FAM107B: variants seen among roughly 807,000 people sequenced by gnomAD.
FAM107B encodes the protein family with sequence similarity 107 member B.
In FAM107B, 21 loss-of-function variants were observed where a neutral mutation model predicts 31.5. That is an observed-to-expected ratio of 0.67 (90% CI 0.47 to 0.96). The LOEUF (loss-of-function observed/expected upper bound fraction) is 0.96. FAM107B is among the 40% of genes least tolerant of loss of function. The pLI is 0.00. For missense variants in FAM107B, 452 were observed against 377.1 expected (o/e 1.20, Z -1.64); for synonymous variants, 157 against 141.5 (o/e 1.11, Z -0.78).
intron 1 of FAM107B, among the ~76,000 whole-genome samples, chr10:14,718,240 T>C (rs1300659530): frequency 2.6e-5 from 4 of 152,014 alleles, no homozygotes; most frequent in Non-Finnish European, 4.4e-5. Flanking sequence ...GGCAGCAGAA[T>C]AGCTGAAACC....
At chr10:14,626,049 C>G (rs182868315) in intron 2 of FAM107B, among the ~76,000 whole-genome samples, 7 of 152,224 alleles carry the variant, frequency 4.6e-5, no homozygotes, top group East Asian at 3.9e-4. Context: ...TGGGTCCCCC[C>G]ACCCCGGTAC....
chr10:14,705,439 T>C (rs144185519), intron 1 of FAM107B, among the ~76,000 whole-genome samples: 155 of 152,208 alleles, frequency 1.0e-3, no homozygotes, highest in African/African-American at 3.3e-3. Context: ...TTGTCTACAA[T>C]AGCCAAAGGT....
At chr10:14,651,049 C>T (rs1371526771) in intron 2 of FAM107B, among the ~76,000 whole-genome samples, 1 of 152,200 alleles carries the variant, frequency 6.6e-6, no homozygotes, top group East Asian at 1.9e-4. Flanking sequence ...CTTTCTACTA[C>T]TGACGCTTCC....
intron 1 of FAM107B, among the ~76,000 whole-genome samples, chr10:14,755,738 G>A (rs140770047): frequency 2.6e-5 from 4 of 152,122 alleles, no homozygotes; most frequent in Non-Finnish European, 5.9e-5. Context: ...ATATCTTTAA[G>A]ATGATGAGGA....
intron 2 of FAM107B, among the ~76,000 whole-genome samples, chr10:14,541,038 C>T (rs1848139020): frequency 6.6e-6 from 1 of 152,156 alleles, no homozygotes; most frequent in African/African-American, 2.4e-5. Flanking sequence ...CCTTAACTTC[C>T]TTATTTCTCC....
intron 2 of FAM107B, among the ~76,000 whole-genome samples, chr10:14,593,212 G>A (rs916107194): frequency 2.6e-5 from 4 of 151,688 alleles, no homozygotes; most frequent in Non-Finnish European, 1.5e-5. Context: ...TTTTTTGTTT[G>A]CTACTTTGAA....
chr10:14,729,632 G>A (rs370084537), intron 1 of FAM107B, among the ~76,000 whole-genome samples: 10 of 152,248 alleles, frequency 6.6e-5, no homozygotes, highest in African/African-American at 2.4e-4. Context: ...ATCACCTGAG[G>A]AGCTTAAAAA....
intron 2 of FAM107B, among the ~76,000 whole-genome samples, chr10:14,568,392 G>GT (rs1850866433): frequency 6.3e-4 from 19 of 29,938 alleles, no homozygotes; most frequent in South Asian, 1.2e-3. Context: ...GAAGATACTG[G>GT]AGGAGAAGGC....
At chr10:14,758,507 G>T (rs867602851) in intron 1 of FAM107B, among the ~76,000 whole-genome samples, 10 of 152,066 alleles carry the variant, frequency 6.6e-5, no homozygotes, top group Admixed American at 2.6e-4. Context: ...ACCAAGTTCT[G>T]GGGTGTTAGC....
At chr10:14,622,130 A>G (rs527537516) in intron 2 of FAM107B, among the ~76,000 whole-genome samples, 2 of 152,300 alleles carry the variant, frequency 1.3e-5, no homozygotes, top group South Asian at 2.1e-4. Context: ...TATTCATTCA[A>G]TAAACATCCA....
chr10:14,603,953 G>A, intron 2 of FAM107B, among the ~76,000 whole-genome samples: 1 of 149,122 alleles, frequency 6.7e-6, no homozygotes, highest in East Asian at 2.0e-4. Context: ...AGGCAACAAT[G>A]AGCCGGGCGG....
intron 3 of FAM107B, among the ~76,000 whole-genome samples, chr10:14,528,835 G>A (rs1457495184): frequency 6.6e-6 from 1 of 152,154 alleles, no homozygotes; most frequent in Non-Finnish European, 1.5e-5. Flanking sequence ...ATATATTTTT[G>A]CAGAATAATT....
chr10:14,625,035 G>C (rs1853120883), intron 2 of FAM107B, among the ~76,000 whole-genome samples: 1 of 152,076 alleles, frequency 6.6e-6, no homozygotes, highest in Admixed American at 6.6e-5. Flanking sequence ...GACCAGCCTG[G>C]CCAACATGGT....
At chr10:14,571,859 T>A in intron 2 of FAM107B, 1 of 985,442 alleles carries the variant, frequency 1.0e-6, no homozygotes, top group Non-Finnish European at 1.2e-6. Flanking sequence ...CAGGAAGTCA[T>A]CCCCATCCAT....
At chr10:14,575,819 A>G (rs1414322650) in intron 2 of FAM107B, among the ~76,000 whole-genome samples, 1 of 152,236 alleles carries the variant, frequency 6.6e-6, no homozygotes, top group Admixed American at 6.5e-5. Context: ...TGTGACCCTC[A>G]GTATAAAAAC....
chr10:14,774,644 C>A lies in FAM107B; in HGVS notation c.20G>T (p.Arg7Ile). The A allele has an allele frequency of 6.2e-7, 1 of 1,613,460 alleles. No individual in the cohort carries two copies. Among genetic ancestry groups the A allele is most frequent in the Admixed American group, 1.7e-5 (1 of 59,982 alleles). Residue 7 changes from arginine (R) to isoleucine (I), a missense_variant, in exon 1 of 5, where the codon AGA becomes ATA. Transcript: ENST00000181796. Reference sequence around the variant, plus strand: ...GGGAGACTTCAGTCTTTTGGTGAGTCTTGCTTTCCACGTGGACATGACTTG... The same window carrying A: ...GGGAGACTTCAGTCTTTTGGTGAGTATTGCTTTCCACGTGGACATGACTTG... MSTWKA[R>I]LTKRLKSPSR... is the part of the protein sequence containing the mutation.
At chr10:14,605,710 A>G (rs979771773) in intron 2 of FAM107B, among the ~76,000 whole-genome samples, 6 of 152,304 alleles carry the variant, frequency 3.9e-5, no homozygotes, top group African/African-American at 1.2e-4. Context: ...GCTGAATTCC[A>G]TGAACTTTAT....
chr10:14,737,458 C>CA (rs1381090922), intron 1 of FAM107B, among the ~76,000 whole-genome samples: 10 of 151,806 alleles, frequency 6.6e-5, no homozygotes, highest in African/African-American at 9.7e-5. Flanking sequence ...ACTAAAAATA[C>CA]AAAAAATGAG....
chr10:14,685,459 C>T lies in FAM107B; in HGVS notation c.412-17768G>A, dbSNP rs143172232. On this transcript the variant is annotated intron_variant, in intron 1 of 4. Transcript: ENST00000181796. ...GAGCCACTGCACCTGGTCTTGATAA[C>T]TTTTTATGGTGGACAGAGTAGGTGT... 3.2e-3 allele frequency among the ~76,000 whole-genome samples: 490 copies of T among 152,172 alleles called. 2 individuals carry two copies. The highest frequency in any genetic ancestry group is 0.011 in the African/African-American group (457 of 41,508).
Sources: allele counts gnomAD v4.1 joint callset (sites outside exome capture counted in the v4.1 genomes callset), GRCh38; gene constraint gnomAD v4.1.1; transcripts MANE v1.5; gene names NCBI Gene and HGNC (gene_info 2026-07-23, HGNC 2026-07-21).